RAVER2: variants seen among roughly 807,000 people sequenced by gnomAD.
RAVER2 encodes the protein ribonucleoprotein PTB-binding 2.
In RAVER2, 46 loss-of-function variants were observed where a neutral mutation model predicts 78.1. That is an observed-to-expected ratio of 0.59 (90% confidence interval 0.46 to 0.75). The LOEUF is 0.75. RAVER2 is among the 30% of genes least tolerant of loss of function. RAVER2 has a pLI of 0.00. For missense variants in RAVER2, 793 were observed against 837.5 expected (o/e 0.95, Z 0.66); for synonymous variants, 311 against 313.3 (o/e 0.99, Z 0.08).
intron 3 of RAVER2, among the ~76,000 whole-genome samples, chr1:64,780,590 C>A (rs965927229): frequency 2.2e-4 from 33 of 152,176 alleles, no homozygotes; most frequent in African/African-American, 7.2e-4. Context: ...ATATACTAAG[C>A]TGAATTTTGT....
At chr1:64,765,562 A>T (rs1174989430) in intron 1 of RAVER2, among the ~76,000 whole-genome samples, 1 of 152,206 alleles carries the variant, frequency 6.6e-6, no homozygotes, top group Non-Finnish European at 1.5e-5. Context: ...AATACAAAAC[A>T]ATATAATGTT....
At chr1:64,777,765 T>G in exon 3 of RAVER2, 1 of 1,614,138 alleles carries the variant, frequency 6.2e-7, no homozygotes, top group Non-Finnish European at 8.5e-7. Flanking sequence ...CCATTTCTTT[T>G]ACATCAGAAG....
At chr1:64,817,633 C>G (rs1254778647) in intron 11 of RAVER2, among the ~76,000 whole-genome samples, 1 of 151,814 alleles carries the variant, frequency 6.6e-6, no homozygotes, top group African/African-American at 2.4e-5. Context: ...AACCATCATT[C>G]TGAGCAAACT....
chr1:64,787,823 G>A (rs1254075818), intron 4 of RAVER2, among the ~76,000 whole-genome samples: 1 of 152,142 alleles, frequency 6.6e-6, no homozygotes, highest in Non-Finnish European at 1.5e-5. Flanking sequence ...CCTGTGTGTG[G>A]ACCCATGCAC....
chr1:64,750,571 A>C (rs763272295), intron 1 of RAVER2, among the ~76,000 whole-genome samples: 1 of 152,130 alleles, frequency 6.6e-6, no homozygotes, highest in Non-Finnish European at 1.5e-5. Flanking sequence ...TTTATACATC[A>C]GTATAAAAAA....
In RAVER2 at chr1:64,794,262, G is replaced by A. The variant is rs531470418; in HGVS notation, c.1105+4748G>A. On this transcript the variant is annotated intron_variant, in intron 5 of 11. Transcript: ENST00000294428. ...AAATACAAAAAATTAGCCGGGCGTG[G>A]TGGTGGGCGCCTGTAGTCCCAGCTA... is the stretch of plus-strand genomic sequence containing the variant. Among the ~76,000 whole-genome samples the A allele has an allele frequency of 5.9e-5, 9 of 152,130 alleles. No homozygotes were observed. The East Asian group carries it at 1.7e-3, about 29-fold the overall frequency.
At chr1:64,825,669 AATT>A (rs1225797538) in intron 11 of RAVER2, among the ~76,000 whole-genome samples, 1 of 152,208 alleles carries the variant, frequency 6.6e-6, no homozygotes, top group East Asian at 1.9e-4. Flanking sequence ...CCACCAGTTC[AATT>A]ATTGACATGA....
At chr1:64,758,101 C>T (rs557757207) in intron 1 of RAVER2, among the ~76,000 whole-genome samples, 55 of 152,122 alleles carry the variant, frequency 3.6e-4, no homozygotes, top group Non-Finnish European at 7.6e-4. Context: ...ACTCTGCTGG[C>T]TTCCTTCATG....
chr1:64,831,084 C>G, exon 12 of RAVER2: 1 of 1,287,970 alleles, frequency 7.8e-7, no homozygotes, highest in Non-Finnish European at 1.1e-6. Flanking sequence ...CCTTTAAATA[C>G]GGGTTTATAG....
At chr1:64,779,708 G>A (rs745749163) in intron 3 of RAVER2, among the ~76,000 whole-genome samples, 1 of 151,598 alleles carries the variant, frequency 6.6e-6, no homozygotes, top group Admixed American at 6.6e-5. Flanking sequence ...TCATCCTGTG[G>A]CCTTTATTTG....
chr1:64,816,996 T>C (rs1419302999), intron 11 of RAVER2, among the ~76,000 whole-genome samples: 1 of 152,146 alleles, frequency 6.6e-6, no homozygotes, highest in East Asian at 1.9e-4. Context: ...ATTTTTGCAA[T>C]CTACTCATCT....
chr1:64,775,531 C>T (rs182283059), intron 2 of RAVER2, among the ~76,000 whole-genome samples: 10 of 152,066 alleles, frequency 6.6e-5, no homozygotes, highest in South Asian at 4.2e-4. Context: ...GTGTAGAGTG[C>T]GAAAAAAGAT....
intron 11 of RAVER2, among the ~76,000 whole-genome samples, chr1:64,824,068 A>G (rs939830965): frequency 1.3e-5 from 2 of 152,142 alleles, no homozygotes; most frequent in South Asian, 4.1e-4. Context: ...TGGTCTTCCA[A>G]AGTGCTAGGA....
intron 3 of RAVER2, among the ~76,000 whole-genome samples, 192 bp downstream of exon 3, chr1:64,778,284 TTGTTATGTAGTTAAGTA>T (rs1238311831): frequency 2.0e-4 from 31 of 152,324 alleles, no homozygotes; most frequent in African/African-American, 7.0e-4. Context: ...CCAAAGTATG[TTGTTATGTAGTTAAGTA>T]TGCCTTAGCA....
intron 11 of RAVER2, among the ~76,000 whole-genome samples, chr1:64,829,176 AAGAC>A (rs1557609684): frequency 6.6e-6 from 1 of 152,238 alleles, no homozygotes; most frequent in Non-Finnish European, 1.5e-5. Context: ...ATGGTATAGA[AAGAC>A]AGAAACCCAG....
At chr1:64,823,528 GA>G (rs1653935468) in intron 11 of RAVER2, among the ~76,000 whole-genome samples, 1 of 152,162 alleles carries the variant, frequency 6.6e-6, no homozygotes, top group African/African-American at 2.4e-5. Flanking sequence ...AATTGAGTTT[GA>G]AATTTCAGAT....
intron 5 of RAVER2, among the ~76,000 whole-genome samples, chr1:64,801,163 A>T (rs1216239418): frequency 6.6e-6 from 1 of 151,404 alleles, no homozygotes; most frequent in Non-Finnish European, 1.5e-5. Context: ...TAATGGCGTG[A>T]TCTCAGCTCA....
At chr1:64,816,647 T>G (rs1034331123) in intron 11 of RAVER2, 1 of 152,226 alleles carries the variant, frequency 6.6e-6, no homozygotes, top group Non-Finnish European at 1.5e-5. Context: ...CTTTGTGACA[T>G]AAGTGATTAC....
At chr1:64,832,300 A>T (rs1556561) in exon 12 of RAVER2, 77,765 of 152,252 alleles carry the variant, frequency 0.51, 23,175 homozygotes, top group African/African-American at 0.83. Context: ...TTTCTCTCTC[A>T]CTCTTTTTGA....
Sources: allele counts gnomAD v4.1 joint callset (sites outside exome capture counted in the v4.1 genomes callset), GRCh38; gene constraint gnomAD v4.1.1; transcripts MANE v1.5; gene names NCBI Gene and HGNC (gene_info 2026-07-23, HGNC 2026-07-21).